The following ALK variants were observed in gnomAD, a reference collection of about 807,000 sequenced individuals.
The protein encoded by ALK is ALK receptor tyrosine kinase.
In ALK, 74 loss-of-function variants were observed where a neutral mutation model predicts 163.1. That is an observed-to-expected ratio of 0.45 (90% CI 0.38 to 0.55). The LOEUF is 0.55. Ranked by LOEUF, ALK falls within the 20% of genes least tolerant of loss-of-function variation. The pLI, the probability that ALK is intolerant of heterozygous loss-of-function variation, is 0.00. For missense variants in ALK, 2,063 were observed against 2,105.3 expected, an observed-to-expected ratio of 0.98 and a Z score of 0.39; for synonymous variants, 960 against 843.2, an observed-to-expected ratio of 1.14 and a Z score of -2.40.
At chr2:29,225,698 C>G (rs756685857) in intron 18 of ALK, 133 bp from the exon 19 acceptor site, 22 of 760,910 alleles carry the variant, frequency 2.9e-5, no homozygotes, top group Non-Finnish European at 4.9e-5. Flanking sequence ...CCTTGTCACA[C>G]TTTTCTTTTC....
intron 3 of ALK, among the ~76,000 whole-genome samples, chr2:29,687,622 A>G (rs1409280579): frequency 6.6e-6 from 1 of 152,184 alleles, no homozygotes; most frequent in Non-Finnish European, 1.5e-5. Flanking sequence ...AAGCAACAGA[A>G]GGAAATGAAA....
intron 3 of ALK, among the ~76,000 whole-genome samples, chr2:29,598,365 TTTTG>T (rs10623988): frequency 0.028 from 4,232 of 151,514 alleles, 99 homozygotes; most frequent in African/African-American, 0.061. Flanking sequence ...GTTGTTTGTT[TTTTG>T]TTTGTTTGTT....
rs541655129 is a variant in ALK at position 29,202,777 on chromosome 2, T to C, written c.3938+4394A>G. 2.0e-5 allele frequency among the ~76,000 whole-genome samples: 3 copies of C among 152,380 alleles called. No individual in the cohort carries two copies. The South Asian group carries it at 6.2e-4, about 32-fold the overall frequency. On this transcript the variant is annotated intron_variant, in intron 26 of 28. Coordinates refer to ENST00000389048, the MANE Select transcript of ALK (RefSeq NM_004304.5). ...ATGTAAGTAAACCACAGTTAATTTT[T>C]CCATCTCCTAGTTGAGGGGTAGTTG...
intron 11 of ALK, among the ~76,000 whole-genome samples, chr2:29,258,390 C>T (rs922018462): frequency 4.6e-5 from 7 of 152,174 alleles, no homozygotes; most frequent in African/African-American, 1.4e-4. Flanking sequence ...TTGCAAGTTG[C>T]AAAATAATGT....
intron 1 of ALK, among the ~76,000 whole-genome samples, chr2:29,742,300 G>A (rs924128057): frequency 3.3e-5 from 5 of 152,238 alleles, no homozygotes; most frequent in African/African-American, 9.6e-5. Context: ...CCCACAGTAG[G>A]TATGGGCGAA....
chr2:29,849,697 A>G (rs924783319), intron 1 of ALK, among the ~76,000 whole-genome samples: 1 of 152,138 alleles, frequency 6.6e-6, no homozygotes, highest in African/African-American at 2.4e-5. Flanking sequence ...AGGGCAATCT[A>G]CCTTGGCCAG....
chr2:29,645,436 C>G (rs959765733), intron 3 of ALK, among the ~76,000 whole-genome samples: 1 of 152,218 alleles, frequency 6.6e-6, no homozygotes, highest in Non-Finnish European at 1.5e-5. Context: ...GCATTTTCAC[C>G]CACATTTTTC....
chr2:29,616,381 A>G (rs926354234), intron 3 of ALK, among the ~76,000 whole-genome samples: 1 of 152,230 alleles, frequency 6.6e-6, no homozygotes, highest in African/African-American at 2.4e-5. Context: ...CAAACCCTCA[A>G]ATTCCCTATC....
chr2:29,637,566 G>A (rs10178236), intron 3 of ALK, among the ~76,000 whole-genome samples: 18,308 of 151,842 alleles, frequency 0.12, 2,454 homozygotes, highest in African/African-American at 0.34. Context: ...AAAATTAGCC[G>A]GGCGTGGTGG....
chr2:29,775,249 C>T (rs923075697), intron 1 of ALK, among the ~76,000 whole-genome samples: 8 of 152,158 alleles, frequency 5.3e-5, no homozygotes, highest in Non-Finnish European at 8.8e-5. Flanking sequence ...TTTAAATTCC[C>T]TTCCAACTCT....
chr2:29,747,219 T>C (rs1243473194), intron 1 of ALK, among the ~76,000 whole-genome samples: 1 of 152,238 alleles, frequency 6.6e-6, no homozygotes, highest in African/African-American at 2.4e-5. Context: ...AGCCCATTTC[T>C]TCTCCTCTAA....
chr2:29,413,122 C>A (rs1468530938), intron 4 of ALK, among the ~76,000 whole-genome samples: 1 of 152,158 alleles, frequency 6.6e-6, no homozygotes, highest in Admixed American at 6.5e-5. Flanking sequence ...CTGGCAACAT[C>A]AGCAGTGGAT....
rs774360880 is a variant in ALK at position 29,209,838 on chromosome 2, G to A, written c.3784C>T (p.Pro1262Ser). ...TCTCCAATCTTGGCCACTCTTCCAG[G>A]GCCTGGACAGGTCAAGAGGCAGTTT... ...ARNCLLTCPG[P>S]GRVAKIGDFG... is the part of the protein sequence containing the mutation. Residue 1262 changes from proline (P) to serine (S), a missense_variant, in exon 25 of 29, where the codon CCT (proline) becomes TCT (serine). Physicochemically the swap from Pro to Ser is moderately conservative, Grantham distance 74. This residue lies in a region of ALK where 83 missense variants were observed against 139.7 expected (regional missense o/e 0.59). Coordinates refer to ENST00000389048, the MANE Select transcript of ALK (RefSeq NM_004304.5). 2 of 1,614,022 alleles carry A rather than the reference G, an allele frequency of 1.2e-6. No homozygotes were observed. Among genetic ancestry groups the A allele is most frequent in the East Asian group, 4.5e-5 (2 of 44,884 alleles).
chr2:29,904,721 CA>C (rs1318030325), intron 1 of ALK, among the ~76,000 whole-genome samples: 1 of 152,166 alleles, frequency 6.6e-6, no homozygotes, highest in Non-Finnish European at 1.5e-5. Context: ...AGCTGGGTGT[CA>C]AACCTAGAAC....
intron 3 of ALK, among the ~76,000 whole-genome samples, chr2:29,635,968 T>C (rs1182403291): frequency 1.3e-5 from 2 of 152,124 alleles, no homozygotes; most frequent in Admixed American, 6.6e-5. Context: ...CTTGTGGTCA[T>C]TTGTTACAGC....
intron 8 of ALK, among the ~76,000 whole-genome samples, chr2:29,308,564 G>A (rs1573214077): frequency 6.6e-6 from 1 of 152,196 alleles, no homozygotes; most frequent in African/African-American, 2.4e-5. Flanking sequence ...GGGAAGGTGG[G>A]AGCTTCTGTG....
chr2:29,823,676 T>C (rs1006494602), intron 1 of ALK, among the ~76,000 whole-genome samples: 1 of 152,126 alleles, frequency 6.6e-6, no homozygotes, highest in Non-Finnish European at 1.5e-5. Flanking sequence ...AGAGATGATT[T>C]AGGGTATCTG....
chr2:29,481,365 G>A (rs941163499), intron 4 of ALK, among the ~76,000 whole-genome samples: 6 of 152,164 alleles, frequency 3.9e-5, no homozygotes, highest in African/African-American at 1.4e-4. Flanking sequence ...CAATGTGGAA[G>A]GGAAGACAAT....
chr2:29,793,947 C>A (rs1010250047), intron 1 of ALK, among the ~76,000 whole-genome samples: 1 of 152,152 alleles, frequency 6.6e-6, no homozygotes. Context: ...CCTGTATTCA[C>A]CCCTAACAAG....
Sources: allele counts gnomAD v4.1 joint callset (sites outside exome capture counted in the v4.1 genomes callset), GRCh38; gene constraint gnomAD v4.1.1; regional missense constraint gnomAD v4.1.1; transcripts MANE v1.5; gene names NCBI Gene and HGNC (gene_info 2026-07-23, HGNC 2026-07-21).